Variants in BRPF3 observed in about 807,000 individuals in gnomAD.
The protein encoded by BRPF3 is bromodomain and PHD finger containing 3.
A neutral mutation model predicts 102.0 loss-of-function variants in BRPF3; 18 were observed. That is an observed-to-expected ratio of 0.18 (90% CI 0.12 to 0.26). The LOEUF (loss-of-function observed/expected upper bound fraction) is 0.26, where lower values mean the gene tolerates loss of function less well. Among genes scored for constraint, BRPF3 ranks in the 10% least tolerant of loss-of-function variants. The pLI, the probability that BRPF3 is intolerant of heterozygous loss-of-function variation, is 1.00. For synonymous variants in BRPF3, 570 were observed against 614.2 expected, an observed-to-expected ratio of 0.93 and a Z score of 1.06; for missense variants, 1,147 against 1,567.8, an observed-to-expected ratio of 0.73 and a Z score of 4.53.
chr6:36,205,089 G>A (rs1767860063), intron 3 of BRPF3, among the ~76,000 whole-genome samples: 1 of 152,218 alleles, frequency 6.6e-6, no homozygotes, highest in South Asian at 2.1e-4. Context: ...TCTAGATGTA[G>A]CAGAAAGCCA....
At chr6:36,222,992 C>T (rs776402078) in intron 10 of BRPF3, among the ~76,000 whole-genome samples, 12 of 152,110 alleles carry the variant, frequency 7.9e-5, no homozygotes, top group Non-Finnish European at 1.2e-4. Flanking sequence ...CACTGAATCT[C>T]GCACATACAT....
intron 10 of BRPF3, among the ~76,000 whole-genome samples, chr6:36,225,001 A>G (rs948934416): frequency 6.6e-6 from 1 of 152,256 alleles, no homozygotes; most frequent in African/African-American, 2.4e-5. Context: ...CTTTCATGCT[A>G]TAACAACAGC....
rs376083781 is a variant in BRPF3, at chr6:36,210,414, A to C, written c.2065A>C (p.Ile689Leu). 1 of 1,613,834 alleles carries C rather than the reference A, an allele frequency of 6.2e-7. No individual in the cohort carries two copies. Among genetic ancestry groups the C allele is most frequent in the Non-Finnish European group, 8.5e-7 (1 of 1,180,040 alleles). ...CCGCCTGCGGGACCTGGGAGGGGCC[A>C]TCCTACGGCACGCCCGGCGGCAGGC... ...AVRLRDLGGA[I>L]LRHARRQAEN... Residue 689 changes from isoleucine to leucine, a missense_variant, in exon 6 of 13, where the codon ATC becomes CTC. Physicochemically the swap from Ile to Leu is conservative, Grantham distance 5 (BLOSUM62 2). Around this residue, in one of 11 missense-constraint regions of BRPF3, gnomAD observed 109 missense variants for 175.1 expected, o/e 0.62. Coordinates refer to ENST00000357641, the MANE Select transcript of BRPF3 (RefSeq NM_015695.3). This position sits in a 1 kb window ranked among gnomAD's most constrained non-coding sequence, Gnocchi z 4.7.
In BRPF3 at chr6:36,201,653, T is replaced by C; in HGVS notation, c.1331T>C (p.Val444Ala). ...GGGGTGAGTGGCTCCCTCAAGGGAG[T>C]GCCCAAGAAAAGCAAGATGAGTTTG... ...QGGVSGSLKG[V>A]PKKSKMSLKQ... The change falls in exon 2 of 13, where the codon GTG becomes GCG. Residue 444 changes from valine (V) to alanine (A), a missense_variant. By Grantham distance (64) the Val-to-Ala change is moderately conservative (BLOSUM62 0). Transcript: ENST00000357641. The surrounding 1 kb of genome is among the most constrained non-coding windows in gnomAD (Gnocchi z 5.1). 6.2e-7 allele frequency: 1 copy of C among 1,613,866 alleles called. No individual in the cohort carries two copies. Among genetic ancestry groups the C allele is most frequent in the Non-Finnish European group, 8.5e-7 (1 of 1,179,984 alleles).
intron 9 of BRPF3, among the ~76,000 whole-genome samples, chr6:36,218,599 A>G (rs1009831544): frequency 2.0e-5 from 3 of 151,750 alleles, no homozygotes; most frequent in African/African-American, 7.3e-5. Context: ...AGCTGGGAGT[A>G]TAGGCACGTG....
rs1768895261 is a variant in BRPF3 at position 36,230,300 on chromosome 6, A to G, written c.3435-126A>G. ...GGTGGCCTCCTGCATGGAGTCCCCC[A>G]ATTTGCTTCCCTCTGCCCTGTACCC... is the stretch of plus-strand genomic sequence containing the variant. On this transcript the variant is annotated intron_variant, in intron 12 of 12. Transcript: ENST00000357641. The surrounding 1 kb of genome is among the most constrained non-coding windows in gnomAD (Gnocchi z 5.4). The G allele has an allele frequency of 2.5e-5, 21 of 832,172 alleles. No individual in the cohort carries two copies. The South Asian group carries it at 3.7e-4, about 15-fold the overall frequency. The allele number at this position is 832,172 out of a possible 1,614,324, so 51.5% of individuals were successfully genotyped here. A position where few individuals can be genotyped will look rare whatever the true frequency, so the allele number is the denominator to read the frequency against.
intron 7 of BRPF3, among the ~76,000 whole-genome samples, chr6:36,212,819 G>A (rs1768176719): frequency 6.6e-6 from 1 of 152,076 alleles, no homozygotes; most frequent in South Asian, 2.1e-4. Flanking sequence ...CGGGCGCGGT[G>A]GCGGGCGCCT....
chr6:36,200,299 C>T lies in BRPF3; in HGVS notation c.-24C>T, dbSNP rs1388618047. 1.2e-6 allele frequency: 2 copies of T among 1,604,334 alleles called. No individual in the cohort carries two copies. Among genetic ancestry groups the T allele is most frequent in the Non-Finnish European group, 1.7e-6 (2 of 1,175,130 alleles). ...GTCTCCTGGCCTTCTCTCCTTAGGC[C>T]TGTCCCCTCAGTTCCCAGGTGCCAT... On this transcript the variant is annotated splice_region_variant and 5_prime_UTR_variant, in exon 2 of 13. Coordinates refer to ENST00000357641, the MANE Select transcript of BRPF3 (RefSeq NM_015695.3). This position sits in a 1 kb window ranked among gnomAD's most constrained non-coding sequence, Gnocchi z 5.3.
rs1348397727 is a variant in BRPF3, at chr6:36,204,668, A to T, written c.1459A>T (p.Ile487Phe). The change falls in exon 3 of 13, where the codon ATC becomes TTC. Residue 487 changes from isoleucine (I) to phenylalanine (F), a missense_variant. Ile to Phe is a conservative substitution (Grantham distance 21, BLOSUM62 0). Coordinates refer to ENST00000357641, the MANE Select transcript of BRPF3 (RefSeq NM_015695.3). The stretch of plus-strand genomic sequence containing the variant: ...GTGCCTCTACTCAAGGTTGAACAAG[A>T]TCTGTAGTGGTCTCTCCTTTCAGAG... ...PQIPSYRLNK[I>F]CSGLSFQRKN... 2 of 1,614,024 alleles carry T rather than the reference A, an allele frequency of 1.2e-6. No homozygotes were observed. Among genetic ancestry groups the T allele is most frequent in the Non-Finnish European group, 1.7e-6 (2 of 1,180,032 alleles).
rs760221177 is a variant in BRPF3 at position 36,200,958 on chromosome 6, C to T, written c.636C>T (p.Asp212=). Residue 212 remains aspartate, a synonymous_variant, in exon 2 of 13, where the codon GAC becomes GAT. Transcript: ENST00000357641. The surrounding 1 kb of genome is among the most constrained non-coding windows in gnomAD (Gnocchi z 5.3). ...SGAQQSLIDE[D]AFCCVCLDDE... is the part of the protein sequence containing the mutation. ...CCCAACAGTCACTCATCGATGAAGA[C>T]GCTTTCTGCTGTGTGTGCCTGGATG... 4.3e-6 allele frequency: 7 copies of T among 1,614,138 alleles called. No individual in the cohort carries two copies. Among genetic ancestry groups the T allele is most frequent in the East Asian group, 2.2e-5 (1 of 44,876 alleles).
At chr6:36,209,977 G>A in intron 5 of BRPF3, 62 bp downstream of exon 5, 2 of 1,597,400 alleles carry the variant, frequency 1.3e-6, no homozygotes, top group Non-Finnish European at 1.7e-6. Context: ...GTCTGAGTAG[G>A]CTAGGAAGGA....
intron 10 of BRPF3, among the ~76,000 whole-genome samples, chr6:36,225,020 G>A (rs1768682666): frequency 6.6e-6 from 1 of 152,218 alleles, no homozygotes; most frequent in South Asian, 2.1e-4. Flanking sequence ...GCAGTGTTGA[G>A]TAATTGCAAC....
chr6:36,206,220 C>A (rs1180073441), intron 3 of BRPF3, among the ~76,000 whole-genome samples: 1 of 152,160 alleles, frequency 6.6e-6, no homozygotes, highest in East Asian at 1.9e-4. Context: ...CTGTTGGGAT[C>A]CTCCATGGCC....
chr6:36,224,832 A>T (rs1017554626), intron 10 of BRPF3, among the ~76,000 whole-genome samples: 1 of 152,254 alleles, frequency 6.6e-6, no homozygotes, highest in African/African-American at 2.4e-5. Context: ...ATGGGCCAAA[A>T]ATGGTTTTTA....
Position 36,210,326 on chromosome 6 carries a change from C to T in BRPF3, c.1977C>T (p.Asn659=). Residue 659 remains asparagine, a synonymous_variant, in exon 6 of 13, where the codon AAC becomes AAT. Transcript: ENST00000357641. The surrounding 1 kb of genome is among the most constrained non-coding windows in gnomAD (Gnocchi z 4.7). ...RTLEEFEEDF[N]LIVTNCMKYN... is the part of the protein sequence containing the mutation. Reference sequence around the variant, plus strand: ...TGGAGGAGTTTGAGGAGGACTTTAACCTTATAGTTACCAACTGCATGAAGT... The same window carrying T: ...TGGAGGAGTTTGAGGAGGACTTTAATCTTATAGTTACCAACTGCATGAAGT... 6.2e-7 allele frequency: 1 copy of T among 1,614,228 alleles called. No homozygotes were observed. Among genetic ancestry groups the T allele is most frequent in the Non-Finnish European group, 8.5e-7 (1 of 1,180,044 alleles).
At chr6:36,216,685 C>A (rs1352527747) in intron 8 of BRPF3, among the ~76,000 whole-genome samples, 1 of 152,176 alleles carries the variant, frequency 6.6e-6, no homozygotes, top group African/African-American at 2.4e-5. Flanking sequence ...AGGTGCCTGG[C>A]CCATCTCTGT....
intron 7 of BRPF3, among the ~76,000 whole-genome samples, chr6:36,212,900 C>T (rs1187718585): frequency 6.6e-6 from 1 of 152,044 alleles, no homozygotes; most frequent in African/African-American, 2.4e-5. Flanking sequence ...TTGCAGTGAG[C>T]CGAGATTGCG....
rs1768572121 is a variant in BRPF3, at chr6:36,222,215, G to A, written c.3131G>A (p.Arg1044Gln). 3 of 1,550,546 alleles carry A rather than the reference G, an allele frequency of 1.9e-6. No individual in the cohort carries two copies. The highest frequency in any genetic ancestry group is 2.4e-5 in the East Asian group (1 of 40,964). ...KRSRGKPALS[R>Q]VPFLEGVNGD... ...AGCCGTGGGAAGCCAGCCCTGTCTC[G>A]AGTGCCCTTCCTGGAAGGTGTGAAC... is the stretch of plus-strand genomic sequence containing the variant. The change falls in exon 10 of 13, where the codon CGA (arginine) becomes CAA (glutamine). Residue 1044 changes from arginine (R) to glutamine (Q), a missense_variant. Around this residue, in one of 11 missense-constraint regions of BRPF3, gnomAD observed 379 missense variants for 426.3 expected, o/e 0.89. Transcript: ENST00000357641.
rs374678375 is a variant in BRPF3, at chr6:36,230,951, C to T, written c.*342C>T. 7 of 271,560 alleles carry T rather than the reference C, an allele frequency of 2.6e-5. No individual in the cohort carries two copies. Among genetic ancestry groups the T allele is most frequent in the East Asian group, 1.7e-4 (2 of 11,694 alleles). 16.8% of individuals were successfully genotyped at this position (271,560 alleles called of 1,614,324 possible). On this transcript the variant is annotated 3_prime_UTR_variant, in exon 13 of 13. Transcript: ENST00000357641. This position sits in a 1 kb window ranked among gnomAD's most constrained non-coding sequence, Gnocchi z 5.4. ...CTCCTTCTTGAGGGGCTGCCTGGCC[C>T]GCTCCATCCTACTCCCACTAACTAC...
Sources: gnomAD v4.1 joint callset for allele counts (sites outside exome capture counted in the v4.1 genomes callset) on GRCh38, gnomAD v4.1.1 for gene constraint, gnomAD v4.1.1 regional missense constraint, Gnocchi (gnomAD v3.1) non-coding constraint, MANE v1.5 for transcripts, NCBI Gene and HGNC (gene_info 2026-07-23, HGNC 2026-07-21) for gene names.